PARD3: variants seen among roughly 807,000 people sequenced by gnomAD.
PARD3 encodes partitioning defective 3 homolog.
PARD3 carries 75 observed loss-of-function variants against 155.4 expected under a neutral mutation model. The ratio of observed to expected loss-of-function variants is 0.48; its 90% CI spans 0.40 to 0.58. The LOEUF (loss-of-function observed/expected upper bound fraction) is 0.58, where lower values mean the gene tolerates loss of function less well. Among genes scored for constraint, PARD3 ranks in the 20% least tolerant of loss-of-function variants. PARD3 has a pLI of 0.00. For synonymous variants in PARD3, 576 were observed against 610.5 expected (o/e 0.94, Z 0.83); for missense variants, 1,642 against 1,721.7 (o/e 0.95, Z 0.82).
intron 1 of PARD3, among the ~76,000 whole-genome samples, chr10:34,719,081 C>G (rs1228226196): frequency 2.6e-5 from 4 of 152,232 alleles, no homozygotes; most frequent in African/African-American, 7.2e-5. Context: ...TTCATCCTTT[C>G]TCCCCACAAT....
At position 34,747,143 on chromosome 10, in the gene PARD3, G is replaced by A. The variant is rs566092642; in HGVS notation, c.121-50724C>T. ...CTAAGATTATAAAGAACAGAAATTT[G>A]TACATTGGAAATCAATGTAAAAATC... On this transcript the variant is annotated intron_variant, in intron 1 of 24. Transcript: ENST00000374788. 7.9e-5 allele frequency among the ~76,000 whole-genome samples: 12 copies of A among 152,262 alleles called. No homozygotes were observed. The South Asian group carries it at 1.9e-3, about 24-fold the overall frequency.
chr10:34,239,836 T>C (rs931435962), intron 22 of PARD3, among the ~76,000 whole-genome samples: 3 of 151,608 alleles, frequency 2.0e-5, no homozygotes, highest in Admixed American at 1.3e-4. Context: ...TTGCCTTAAG[T>C]AGAAATACCC....
chr10:34,186,076 G>A (rs898359600), intron 22 of PARD3, among the ~76,000 whole-genome samples: 2 of 151,896 alleles, frequency 1.3e-5, no homozygotes, highest in Non-Finnish European at 2.9e-5. Flanking sequence ...GAGCAGTCAG[G>A]ACTTGGAGAA....
At chr10:34,250,157 A>C (rs113990249) in intron 22 of PARD3, among the ~76,000 whole-genome samples, 20,912 of 148,026 alleles carry the variant, frequency 0.14, 2,113 homozygotes, top group African/African-American at 0.26. Context: ...CTCCCCCTCC[A>C]CACACACACA....
intron 2 of PARD3, among the ~76,000 whole-genome samples, chr10:34,660,318 A>G (rs535391035): frequency 6.6e-6 from 1 of 152,326 alleles, no homozygotes; most frequent in South Asian, 2.1e-4. Context: ...TTATCTCAGG[A>G]CAGAAGTTTA....
At chr10:34,589,701 T>C (rs1028587349) in intron 2 of PARD3, among the ~76,000 whole-genome samples, 1 of 116,354 alleles carries the variant, frequency 8.6e-6, no homozygotes, top group African/African-American at 3.3e-5. Context: ...TTGGACAACA[T>C]CCATGAACTC....
intron 2 of PARD3, among the ~76,000 whole-genome samples, chr10:34,642,432 G>GCAC (rs35966771): frequency 0.38 from 57,772 of 151,444 alleles, 11,095 homozygotes; most frequent in South Asian, 0.43. Context: ...CACTCACTCT[G>GCAC]CCCCACACCC....
At chr10:34,797,839 T>C (rs1842441436) in intron 1 of PARD3, among the ~76,000 whole-genome samples, 2 of 152,230 alleles carry the variant, frequency 1.3e-5, no homozygotes. Context: ...CTAGACATCA[T>C]TTAGAGTCAA....
At chr10:34,331,370 G>A in intron 18 of PARD3, 26 bp from the exon 19 acceptor site, 1 of 1,508,968 alleles carries the variant, frequency 6.6e-7, no homozygotes, top group South Asian at 1.1e-5. Context: ...GAAAAAAAAT[G>A]TTAGTGTGAA....
At chr10:34,253,683 A>G (rs1332296974) in intron 22 of PARD3, among the ~76,000 whole-genome samples, 2 of 151,904 alleles carry the variant, frequency 1.3e-5, no homozygotes, top group Non-Finnish European at 2.9e-5. Flanking sequence ...GTTTCAAAGA[A>G]TCAGACGACC....
intron 13 of PARD3, 113 bp from the exon 14 acceptor site, chr10:34,359,430 G>A (rs1222829628): frequency 3.9e-6 from 3 of 759,748 alleles, no homozygotes; most frequent in African/African-American, 1.8e-5. Context: ...AAAAAAGTGG[G>A]GAGCTTTAAT....
At chr10:34,333,492 T>C (rs1835832953) in intron 18 of PARD3, among the ~76,000 whole-genome samples, 1 of 152,078 alleles carries the variant, frequency 6.6e-6, no homozygotes, top group Non-Finnish European at 1.5e-5. Flanking sequence ...TTTGGCAAAC[T>C]GTTGACCATT....
At chr10:34,352,864 G>A (rs1244676827) in intron 14 of PARD3, among the ~76,000 whole-genome samples, 7 of 151,120 alleles carry the variant, frequency 4.6e-5, no homozygotes, top group Non-Finnish European at 7.4e-5. Flanking sequence ...AGTGAGGAGC[G>A]CCTCTTCCCA....
At chr10:34,331,652 A>C (rs1835629912) in intron 18 of PARD3, among the ~76,000 whole-genome samples, 1 of 152,240 alleles carries the variant, frequency 6.6e-6, no homozygotes, top group Non-Finnish European at 1.5e-5. Context: ...GGAATAATCT[A>C]AAAGAACCAG....
chr10:34,692,601 G>C (rs2477011), intron 2 of PARD3, among the ~76,000 whole-genome samples: 2 of 152,084 alleles, frequency 1.3e-5, no homozygotes, highest in African/African-American at 4.8e-5. Context: ...GAGGCCAGGC[G>C]TGGTGGCTTA....
intron 5 of PARD3, among the ~76,000 whole-genome samples, chr10:34,405,636 A>AG (rs1044251933): frequency 2.6e-5 from 4 of 152,182 alleles, no homozygotes; most frequent in Non-Finnish European, 4.4e-5. Flanking sequence ...AAAAAGTAGG[A>AG]GGGGTCTAGG....
intron 1 of PARD3, among the ~76,000 whole-genome samples, chr10:34,794,527 T>G (rs767763629): frequency 6.6e-6 from 1 of 152,218 alleles, no homozygotes; most frequent in African/African-American, 2.4e-5. Context: ...TGTTCATTAG[T>G]AGAATGATGA....
chr10:34,813,783 C>A (rs1249332487), intron 1 of PARD3, among the ~76,000 whole-genome samples: 1 of 152,206 alleles, frequency 6.6e-6, no homozygotes, highest in Non-Finnish European at 1.5e-5. Flanking sequence ...CCCAAGCCCA[C>A]AGGGGCCAGG....
intron 1 of PARD3, among the ~76,000 whole-genome samples, chr10:34,750,459 TCAAACA>T (rs1835859104): frequency 9.4e-6 from 1 of 106,324 alleles, no homozygotes; most frequent in African/African-American, 3.8e-5. Context: ...TTTCTCTCTT[TCAAACA>T]CACACACACA....
Sources: allele counts gnomAD v4.1 joint callset (sites outside exome capture counted in the v4.1 genomes callset), GRCh38; gene constraint gnomAD v4.1.1; transcripts MANE v1.5; gene names NCBI Gene and HGNC (gene_info 2026-07-23, HGNC 2026-07-21).